Variants in DLG2 observed in about 807,000 individuals in gnomAD.
DLG2 encodes disks large homolog 2.
In DLG2, 45 loss-of-function variants were observed where a neutral mutation model predicts 132.5. The observed-to-expected ratio is 0.34, with a 90% CI of 0.27 to 0.44. The LOEUF is 0.44. Ranked by LOEUF, DLG2 falls within the 20% of genes least tolerant of loss-of-function variation. DLG2 has a pLI of 1.00. For synonymous variants in DLG2, 424 were observed against 419.6 expected, an observed-to-expected ratio of 1.01 and a Z score of -0.13; for missense variants, 1,045 against 1,196.9, an observed-to-expected ratio of 0.87 and a Z score of 1.87.
intron 6 of DLG2, among the ~76,000 whole-genome samples, chr11:85,048,093 A>G (rs1320454614): frequency 6.6e-6 from 1 of 151,950 alleles, no homozygotes. Flanking sequence ...CTTGTTTTAT[A>G]GAGCAATACC....
At chr11:84,441,318 T>G (rs1039073495) in intron 7 of DLG2, among the ~76,000 whole-genome samples, 5 of 152,044 alleles carry the variant, frequency 3.3e-5, no homozygotes, top group African/African-American at 1.2e-4. Flanking sequence ...GGCTAATTTT[T>G]AAATTTTTTC....
At chr11:84,142,919 CA>C (rs1161679527) in intron 9 of DLG2, among the ~76,000 whole-genome samples, 1 of 151,882 alleles carries the variant, frequency 6.6e-6, no homozygotes, top group Non-Finnish European at 1.5e-5. Context: ...AGCCAATTCT[CA>C]TACTAAATCC....
intron 3 of DLG2, among the ~76,000 whole-genome samples, chr11:85,337,562 T>C (rs2082216044): frequency 6.6e-6 from 1 of 152,160 alleles, no homozygotes; most frequent in South Asian, 2.1e-4. Flanking sequence ...AGCAAACATC[T>C]TAGGTAACAC....
intron 6 of DLG2, among the ~76,000 whole-genome samples, chr11:84,665,136 A>T (rs898318207): frequency 3.9e-5 from 6 of 152,162 alleles, no homozygotes; most frequent in Non-Finnish European, 8.8e-5. Flanking sequence ...ACCTGTAAGT[A>T]ACATGAGCAA....
chr11:85,405,694 C>T (rs1385737814), intron 3 of DLG2, among the ~76,000 whole-genome samples: 3 of 151,894 alleles, frequency 2.0e-5, no homozygotes, highest in Non-Finnish European at 4.4e-5. Flanking sequence ...TTCAAGGTTA[C>T]AAAGCTAATC....
intron 3 of DLG2, among the ~76,000 whole-genome samples, chr11:85,521,947 A>C (rs1299690262): frequency 6.6e-6 from 1 of 152,206 alleles, no homozygotes; most frequent in East Asian, 1.9e-4. Context: ...AGAAAAAAAA[A>C]ATTCTGGGGA....
At chr11:84,199,802 G>C (rs1489845993) in intron 8 of DLG2, among the ~76,000 whole-genome samples, 1 of 152,002 alleles carries the variant, frequency 6.6e-6, no homozygotes, top group Non-Finnish European at 1.5e-5. Context: ...TCAGTTATCT[G>C]TTTGACAATA....
At chr11:83,468,333 A>G (rs1477902356) in intron 25 of DLG2, among the ~76,000 whole-genome samples, 3 of 152,214 alleles carry the variant, frequency 2.0e-5, no homozygotes, top group African/African-American at 7.2e-5. Context: ...CATAACATGT[A>G]TAAATGCTGG....
chr11:84,367,750 G>A (rs2098690027), intron 7 of DLG2, among the ~76,000 whole-genome samples: 1 of 152,088 alleles, frequency 6.6e-6, no homozygotes, highest in Non-Finnish European at 1.5e-5. Flanking sequence ...GACCTCACCA[G>A]AAGCTGACCA....
chr11:84,280,771 C>T (rs1033568643), intron 7 of DLG2, among the ~76,000 whole-genome samples: 1 of 151,620 alleles, frequency 6.6e-6, no homozygotes, highest in African/African-American at 2.4e-5. Flanking sequence ...GATCTCAGCT[C>T]ACTGCAAGCT....
intron 3 of DLG2, among the ~76,000 whole-genome samples, chr11:85,401,178 T>G (rs1056687770): frequency 6.6e-6 from 1 of 152,130 alleles, no homozygotes; most frequent in Non-Finnish European, 1.5e-5. Context: ...GCAAGACTGG[T>G]TCAACATATG....
At chr11:84,389,330 T>C (rs994713299) in intron 7 of DLG2, among the ~76,000 whole-genome samples, 1 of 152,128 alleles carries the variant, frequency 6.6e-6, no homozygotes, top group Non-Finnish European at 1.5e-5. Context: ...AGGGGAGGAC[T>C]CTGATGTTTT....
intron 6 of DLG2, among the ~76,000 whole-genome samples, chr11:84,700,404 A>T (rs2059098574): frequency 6.6e-6 from 1 of 151,652 alleles, no homozygotes; most frequent in African/African-American, 2.4e-5. Flanking sequence ...ATTGATGTGT[A>T]TTGAGACATT....
chr11:85,285,214 G>C lies in DLG2; in HGVS notation c.186+6C>G. 2 of 1,610,326 alleles carry C rather than the reference G, an allele frequency of 1.2e-6. No homozygotes were observed. The highest frequency in any genetic ancestry group is 1.7e-6 in the Non-Finnish European group (2 of 1,177,808). ...TTCAGTTCTTTTGGAAGTTTCAGTA[G>C]TATACCTCTGAAGATTTTTGAAGTC... On this transcript the variant is annotated splice_donor_region_variant and intron_variant, in intron 4 of 27. Coordinates refer to ENST00000376104, the MANE Select transcript of DLG2 (RefSeq NM_001142699.3).
chr11:85,559,441 G>T (rs899455363), intron 3 of DLG2, among the ~76,000 whole-genome samples: 1 of 151,612 alleles, frequency 6.6e-6, no homozygotes, highest in Non-Finnish European at 1.5e-5. Context: ...GAGCCACTGC[G>T]CCCGGCCACA....
At chr11:85,542,452 T>C (rs1355353910) in intron 3 of DLG2, among the ~76,000 whole-genome samples, 6 of 152,292 alleles carry the variant, frequency 3.9e-5, no homozygotes, top group African/African-American at 1.2e-4. Context: ...GAAGATAAAA[T>C]AGGACAAAAT....
At chr11:85,035,246 G>A (rs1468414244) in intron 6 of DLG2, among the ~76,000 whole-genome samples, 1 of 152,226 alleles carries the variant, frequency 6.6e-6, no homozygotes, top group Admixed American at 6.5e-5. Flanking sequence ...ACAGCAGATA[G>A]AAGATGGAAA....
chr11:83,704,776 G>T (rs1408806575), intron 18 of DLG2, among the ~76,000 whole-genome samples: 1 of 152,026 alleles, frequency 6.6e-6, no homozygotes, highest in Non-Finnish European at 1.5e-5. Context: ...GCAGTGAGCC[G>T]AGATCACGCC....
At chr11:84,631,804 A>T (rs1294813865) in intron 6 of DLG2, among the ~76,000 whole-genome samples, 1 of 152,188 alleles carries the variant, frequency 6.6e-6, no homozygotes, top group South Asian at 2.1e-4. Flanking sequence ...AGAAAAAATG[A>T]TGGATTTAGG....
Sources: gnomAD v4.1 joint callset for allele counts (sites outside exome capture counted in the v4.1 genomes callset) on GRCh38, gnomAD v4.1.1 for gene constraint, MANE v1.5 for transcripts, NCBI Gene and HGNC (gene_info 2026-07-23, HGNC 2026-07-21) for gene names.